The following APBA2 variants were observed in gnomAD, a reference collection of about 807,000 sequenced individuals.
APBA2 encodes the protein amyloid beta precursor protein binding family A member 2, also known as amyloid-beta A4 precursor protein-binding family A member 2.
In APBA2, 30 loss-of-function variants were observed where a neutral mutation model predicts 75.0. The observed-to-expected ratio is 0.40, with a 90% confidence interval of 0.30 to 0.54. The LOEUF (loss-of-function observed/expected upper bound fraction) is 0.54. Ranked by LOEUF, APBA2 falls within the 20% of genes least tolerant of loss-of-function variation. The pLI is 0.49. For missense variants in APBA2, 801 were observed against 1,016.1 expected (o/e 0.79, Z 2.88); for synonymous variants, 444 against 409.6 (o/e 1.08, Z -1.01).
chr15:28,952,339 G>A (rs2035934127), intron 2 of APBA2, among the ~76,000 whole-genome samples: 1 of 152,030 alleles, frequency 6.6e-6, no homozygotes, highest in African/African-American at 2.4e-5. Flanking sequence ...AGAACAGTCT[G>A]GGTAGCATAG....
intron 2 of APBA2, among the ~76,000 whole-genome samples, chr15:28,929,588 CAAG>C (rs1290344932): frequency 6.6e-6 from 1 of 152,294 alleles, no homozygotes; most frequent in South Asian, 2.1e-4. Flanking sequence ...AGGCGACACA[CAAG>C]AAGAAGGGGG....
chr15:28,970,059 T>C (rs2036983513), intron 2 of APBA2: 1 of 152,230 alleles, frequency 6.6e-6, no homozygotes, highest in Admixed American at 6.5e-5. Flanking sequence ...TCTTGTGTTT[T>C]CCTTTATGTA....
In APBA2 at chr15:29,054,616, C is replaced by T. The variant is rs151159537; in HGVS notation, c.732C>T (p.Ser244=). Residue 244 remains serine (S), a synonymous_variant, in exon 4 of 15, where the codon AGC becomes AGT. Coordinates refer to ENST00000683413, the MANE Select transcript of APBA2 (RefSeq NM_001353788.2). This position sits in a 1 kb window ranked among gnomAD's most constrained non-coding sequence, Gnocchi z 6.1. ...GTCTGAGCATGACCAGCATCACCAGCGCCAGTGAGGCCAGCCCCGAGCATG... is the reference window on the plus strand; with the variant it reads ...GTCTGAGCATGACCAGCATCACCAGTGCCAGTGAGGCCAGCCCCGAGCATG... ...KMSLSMTSIT[S]ASEASPEHGP... 165 of 1,614,174 alleles carry T rather than the reference C, an allele frequency of 1.0e-4. No homozygotes were observed. In the African/African-American group the frequency reaches 1.3e-3, roughly 13 times the overall value.
chr15:29,054,288 A>G lies in APBA2; in HGVS notation c.404A>G (p.Gln135Arg). The G allele has an allele frequency of 1.2e-6, 2 of 1,614,152 alleles. No individual in the cohort carries two copies. The highest frequency in any genetic ancestry group is 1.7e-5 in the Admixed American group (1 of 60,032). Residue 135 changes from glutamine (Q) to arginine (R), a missense_variant, in exon 4 of 15, where the codon CAG (glutamine) becomes CGG (arginine). By Grantham distance (43) the Gln-to-Arg change is conservative. Coordinates refer to ENST00000683413, the MANE Select transcript of APBA2 (RefSeq NM_001353788.2). The surrounding 1 kb of genome is among the most constrained non-coding windows in gnomAD (Gnocchi z 6.1). ...CACCCTGTGGACACTGATGAGTGCC[A>G]GGAGGCGGTGGAGGAGTGGACGGAC... is the stretch of plus-strand genomic sequence containing the variant. ...SAHPVDTDEC[Q>R]EAVEEWTDSA...
intron 14 of APBA2, among the ~76,000 whole-genome samples, chr15:29,114,549 G>C (rs1232025747): frequency 6.6e-6 from 1 of 152,140 alleles, no homozygotes; most frequent in Non-Finnish European, 1.5e-5. Flanking sequence ...TACACCGGGG[G>C]AGGCCTGGCC....
At chr15:29,043,800 G>A (rs965527140) in intron 3 of APBA2, among the ~76,000 whole-genome samples, 13 of 152,178 alleles carry the variant, frequency 8.5e-5, no homozygotes, top group African/African-American at 2.7e-4. Flanking sequence ...CCTAAGCTAG[G>A]TTAGAGAGCC....
At chr15:29,100,676 T>A (rs2044075319) in intron 9 of APBA2, among the ~76,000 whole-genome samples, 2 of 152,196 alleles carry the variant, frequency 1.3e-5, no homozygotes, top group South Asian at 4.1e-4. Flanking sequence ...GCTCATTGAA[T>A]GACAAACATT....
At chr15:28,964,359 G>A (rs115620718) in intron 2 of APBA2, among the ~76,000 whole-genome samples, 2,898 of 152,238 alleles carry the variant, frequency 0.019, 88 homozygotes, top group African/African-American at 0.066. Flanking sequence ...TCTCATAGGT[G>A]TGTAGTGATA....
intron 1 of APBA2, among the ~76,000 whole-genome samples, chr15:28,912,794 C>T (rs551318631): frequency 3.2e-4 from 48 of 152,288 alleles, no homozygotes; most frequent in African/African-American, 1.1e-3. Context: ...TGTTCTTTTT[C>T]CCTAGGTGTT....
chr15:29,088,792 C>T (rs553049394), intron 6 of APBA2, among the ~76,000 whole-genome samples: 203 of 152,288 alleles, frequency 1.3e-3, no homozygotes, highest in Non-Finnish European at 2.1e-3. Flanking sequence ...GCCCCAGGGT[C>T]CTCACATCTG....
chr15:29,028,741 C>T (rs2040346590), intron 3 of APBA2, among the ~76,000 whole-genome samples: 1 of 152,162 alleles, frequency 6.6e-6, no homozygotes, highest in Admixed American at 6.5e-5. Context: ...TTTTGATTTG[C>T]ATTTCTCTAA....
At chr15:29,073,864 A>AT (rs1226080954) in intron 4 of APBA2, among the ~76,000 whole-genome samples, 1 of 152,162 alleles carries the variant, frequency 6.6e-6, no homozygotes, top group East Asian at 1.9e-4. Context: ...CTAACCTTAA[A>AT]TTTTATTAAT....
chr15:29,117,031 C>T (rs775973970), intron 14 of APBA2, 31 bp from the exon 15 acceptor site: 7 of 1,608,740 alleles, frequency 4.4e-6, no homozygotes, highest in Non-Finnish European at 6.0e-6. Context: ...GGTGGGAGGG[C>T]AGCGGCTCAG....
At chr15:29,036,995 G>A (rs1343680230) in intron 3 of APBA2, among the ~76,000 whole-genome samples, 1 of 151,530 alleles carries the variant, frequency 6.6e-6, no homozygotes, top group Non-Finnish European at 1.5e-5. Flanking sequence ...ACTCCAGCCT[G>A]GATAACAGAG....
At chr15:28,958,770 A>G (rs915032348) in intron 2 of APBA2, among the ~76,000 whole-genome samples, 3 of 151,682 alleles carry the variant, frequency 2.0e-5, no homozygotes, top group Non-Finnish European at 4.4e-5. Flanking sequence ...GGACCTCATT[A>G]TACTTCCAAA....
chr15:29,103,885 C>A (rs1565402), intron 10 of APBA2, among the ~76,000 whole-genome samples: 1 of 152,156 alleles, frequency 6.6e-6, no homozygotes, highest in Admixed American at 6.5e-5. Context: ...CCTGCCGAGC[C>A]CCATCAGCTC....
intron 3 of APBA2, among the ~76,000 whole-genome samples, chr15:29,034,626 A>C (rs1055091744): frequency 6.6e-6 from 1 of 152,228 alleles, no homozygotes; most frequent in Non-Finnish European, 1.5e-5. Context: ...GACACTTGGA[A>C]CCAATGTCAG....
intron 12 of APBA2, 29 bp from the exon 13 acceptor site, chr15:29,108,241 C>T: frequency 1.2e-6 from 2 of 1,613,278 alleles, no homozygotes; most frequent in Non-Finnish European, 1.7e-6. Context: ...TAAGGCCCAG[C>T]CTGTGACTCC....
intron 2 of APBA2, among the ~76,000 whole-genome samples, chr15:28,959,041 T>A (rs2036324300): frequency 6.6e-6 from 1 of 152,122 alleles, no homozygotes; most frequent in Admixed American, 6.6e-5. Flanking sequence ...CAGGCTGGAG[T>A]GCAGTGGTGC....
Sources: allele counts gnomAD v4.1 joint callset (sites outside exome capture counted in the v4.1 genomes callset), GRCh38; gene constraint gnomAD v4.1.1; non-coding constraint Gnocchi (gnomAD v3.1); transcripts MANE v1.5; gene names NCBI Gene and HGNC (gene_info 2026-07-23, HGNC 2026-07-21).